Variants in MFSD1 observed in about 807,000 individuals in gnomAD.
MFSD1 encodes the protein lysosomal dipeptide transporter MFSD1.
Under a neutral mutation model 67.1 loss-of-function variants are expected in MFSD1, and 59 were observed. The ratio of observed to expected loss-of-function variants is 0.88; its 90% confidence interval spans 0.71 to 1.09. MFSD1 has a LOEUF of 1.09. Among genes scored for constraint, MFSD1 ranks in the 50% least tolerant of loss-of-function variants. The pLI is 0.00. For missense variants in MFSD1, 552 were observed against 566.1 expected (o/e 0.97, Z 0.25); for synonymous variants, 213 against 200.3 (o/e 1.06, Z -0.54).
intron 11 of MFSD1, 23 bp downstream of exon 11, chr3:158,822,163 G>T (rs757723341): frequency 1.3e-6 from 2 of 1,591,666 alleles, no homozygotes; most frequent in South Asian, 1.1e-5. Flanking sequence ...TTAGCCCATG[G>T]TGGGGTCAGG....
chr3:158,821,918 A>G, intron 10 of MFSD1, 66 bp from the exon 11 acceptor site: 4 of 1,522,376 alleles, frequency 2.6e-6, no homozygotes, highest in South Asian at 1.2e-5. Context: ...TATTTTCAAG[A>G]CTTTCTTGAA....
Position 158,827,154 on chromosome 3 carries a change from G to A in MFSD1, c.1337-126G>A, listed in dbSNP as rs570817534. The A allele has an allele frequency of 1.1e-5, 6 of 567,306 alleles. No homozygotes were observed. The Middle Eastern group carries it at 1.1e-3, about 108-fold the overall frequency. The allele number at this position is 567,306 out of a possible 1,614,324, so 35.1% of individuals were successfully genotyped here. A position where few individuals can be genotyped will look rare whatever the true frequency, so the allele number is the denominator to read the frequency against. The stretch of plus-strand genomic sequence containing the variant: ...GATAAACCATTACTTTTTCATCGTC[G>A]ATAGCTTTTTCTATTACTTAAAATA... On this transcript the variant is annotated intron_variant, in intron 14 of 15. Transcript: ENST00000415822.
intron 7 of MFSD1, among the ~76,000 whole-genome samples, chr3:158,814,811 G>A (rs1385625185): frequency 1.3e-5 from 2 of 152,090 alleles, no homozygotes; most frequent in Non-Finnish European, 2.9e-5. Context: ...AGCCGGGCAC[G>A]GTGGCTCACA....
intron 5 of MFSD1, among the ~76,000 whole-genome samples, chr3:158,808,405 T>A (rs769584580): frequency 7.2e-5 from 11 of 152,156 alleles, no homozygotes; most frequent in Non-Finnish European, 1.2e-4. Context: ...TGAAACTTAC[T>A]GAAGGAAAAT....
rs370765147 is a variant in MFSD1, at chr3:158,820,308, C to G, written c.845C>G (p.Pro282Arg). The G allele has an allele frequency of 6.2e-7, 1 of 1,608,052 alleles. No individual in the cohort carries two copies. ...GTCTGCTATTATGTTGCTGTGTTCC[C>G]TTTTATTGGACTTGGGAAGTGAGTA... is the stretch of plus-strand genomic sequence containing the variant. ...ICVCYYVAVF[P>R]FIGLGKVFFT... The change falls in exon 9 of 16, where the codon CCT becomes CGT. Residue 282 changes from proline (P) to arginine (R), a missense_variant. Transcript: ENST00000415822.
chr3:158,816,250 A>G (rs1358648410), intron 7 of MFSD1, among the ~76,000 whole-genome samples: 1 of 152,184 alleles, frequency 6.6e-6, no homozygotes, highest in Non-Finnish European at 1.5e-5. Flanking sequence ...CGATGGTTGA[A>G]CTAGTTTACA....
intron 2 of MFSD1, 128 bp downstream of exon 2, chr3:158,804,499 C>A: frequency 1.6e-6 from 1 of 620,972 alleles, no homozygotes; most frequent in Admixed American, 3.5e-5. Context: ...CTGTAGTCAC[C>A]AAATCCACAA....
At chr3:158,823,249 T>C in intron 11 of MFSD1, 179 bp from the exon 12 acceptor site, 1 of 584,118 alleles carries the variant, frequency 1.7e-6, no homozygotes, top group Admixed American at 2.9e-5. Flanking sequence ...GCTAAAAGGA[T>C]ACTCTTAGGG....
At chr3:158,825,362 G>A (rs1474093756) in intron 13 of MFSD1, 2 of 152,190 alleles carry the variant, frequency 1.3e-5, no homozygotes, top group African/African-American at 4.8e-5. Context: ...GTCTCACTGT[G>A]TTGCCCAGGC....
intron 7 of MFSD1, among the ~76,000 whole-genome samples, chr3:158,819,145 G>C (rs1467778149): frequency 6.6e-6 from 1 of 152,242 alleles, no homozygotes; most frequent in Non-Finnish European, 1.5e-5. Flanking sequence ...TCACAGGAAA[G>C]AGCTTGAGAG....
In MFSD1 at chr3:158,829,042, C is replaced by A; in HGVS notation, c.*60C>A. The A allele has an allele frequency of 3.3e-6, 5 of 1,518,564 alleles. No individual in the cohort carries two copies. Among genetic ancestry groups the A allele is most frequent in the Non-Finnish European group, 3.6e-6 (4 of 1,126,680 alleles). 94.1% of individuals were successfully genotyped at this position (1,518,564 alleles called of 1,614,324 possible). ...AACACATCGTTGGTTTGAAAACTTCCATTTTTAAAAATTTAGAGTTTAGTC... is the reference window on the plus strand; with the variant it reads ...AACACATCGTTGGTTTGAAAACTTCAATTTTTAAAAATTTAGAGTTTAGTC... On this transcript the variant is annotated 3_prime_UTR_variant, in exon 16 of 16. Coordinates refer to ENST00000415822, the MANE Select transcript of MFSD1 (RefSeq NM_022736.4).
At chr3:158,804,563 A>C (rs770300503) in intron 2 of MFSD1, among the ~76,000 whole-genome samples, 192 bp downstream of exon 2, 6 of 152,230 alleles carry the variant, frequency 3.9e-5, no homozygotes, top group Non-Finnish European at 7.3e-5. Flanking sequence ...ATTCATTTAT[A>C]GCACATATGT....
intron 11 of MFSD1, 181 bp downstream of exon 11, chr3:158,822,321 TA>T (rs1730724087): frequency 2.5e-6 from 1 of 401,920 alleles, no homozygotes; most frequent in African/African-American, 2.0e-5. Flanking sequence ...ATTATTAACA[TA>T]TAAGGTATCT....
At chr3:158,817,446 A>G (rs1250025249) in intron 7 of MFSD1, among the ~76,000 whole-genome samples, 1 of 152,244 alleles carries the variant, frequency 6.6e-6, no homozygotes, top group Non-Finnish European at 1.5e-5. Flanking sequence ...GCATTCTTAT[A>G]CACCAATAAC....
rs1207086015 is a variant in MFSD1, at chr3:158,807,464, G to T, written c.440+1G>T. 6.2e-7 allele frequency: 1 copy of T among 1,606,006 alleles called. No individual in the cohort carries two copies. Among genetic ancestry groups the T allele is most frequent in the Admixed American group, 1.7e-5 (1 of 59,982 alleles). ...TGGAATTTGGAAGATTTGTATTTGG[G>T]TAAGTTATGCATAATTTAATTTATC... is the stretch of plus-strand genomic sequence containing the variant. On this transcript the variant is annotated splice_donor_variant, in intron 5 of 15. Transcript: ENST00000415822. LOFTEE classifies it high-confidence loss of function.
chr3:158,803,358 C>T (rs1729556386), intron 1 of MFSD1, among the ~76,000 whole-genome samples: 1 of 151,870 alleles, frequency 6.6e-6, no homozygotes, highest in Non-Finnish European at 1.5e-5. Flanking sequence ...CTCCTTTTTC[C>T]CCCCTCCCCT....
rs1292271179 is a variant in MFSD1 at position 158,827,334 on chromosome 3, CTGAG to C, written c.1393_1394+2del. On this transcript the variant is annotated splice_donor_variant and coding_sequence_variant, in exon 15 of 16. Transcript: ENST00000415822. LOFTEE classifies it high-confidence loss of function. Reference sequence around the variant, plus strand: ...AGGGAAGAAATAAAATTTTCCCATACTGAGTAAGTATTAAAAGGGTAAAAAGTTG... The same window carrying C: ...AGGGAAGAAATAAAATTTTCCCATACTAAGTATTAAAAGGGTAAAAAGTTG... 1.3e-6 allele frequency: 2 copies of C among 1,527,268 alleles called. No homozygotes were observed. The highest frequency in any genetic ancestry group is 2.4e-5 in the East Asian group (1 of 42,250). The allele number at this position is 1,527,268 out of a possible 1,614,324, so 94.6% of individuals were successfully genotyped here. A position where few individuals can be genotyped will look rare whatever the true frequency, so the allele number is the denominator to read the frequency against.
rs150772811 is a variant in MFSD1 at position 158,823,447 on chromosome 3, A to G, written c.1097A>G (p.Tyr366Cys). The change falls in exon 12 of 16, where the codon TAC (tyrosine) becomes TGC (cysteine). Residue 366 changes from tyrosine (Y) to cysteine (C), a missense_variant. Coordinates refer to ENST00000415822, the MANE Select transcript of MFSD1 (RefSeq NM_022736.4). ...WIAMCLLGLS[Y>C]SLLACALWPM... is the part of the protein sequence containing the mutation. Reference sequence around the variant, plus strand: ...CTGTAGTGTCTTCTGGGACTCTCCTACTCATTGCTTGCCTGTGCATTGTGG... The same window carrying G: ...CTGTAGTGTCTTCTGGGACTCTCCTGCTCATTGCTTGCCTGTGCATTGTGG... 133 of 1,613,066 alleles carry G rather than the reference A, an allele frequency of 8.2e-5. No individual in the cohort carries two copies. Among genetic ancestry groups the G allele is most frequent in the Non-Finnish European group, 1.1e-4 (126 of 1,179,276 alleles).
At chr3:158,806,638 T>C (rs1729741079) in intron 3 of MFSD1, among the ~76,000 whole-genome samples, 1 of 152,230 alleles carries the variant, frequency 6.6e-6, no homozygotes, top group African/African-American at 2.4e-5. Flanking sequence ...AATTACTTAC[T>C]GTAAAATTCC....
Sources: allele counts gnomAD v4.1 joint callset (sites outside exome capture counted in the v4.1 genomes callset), GRCh38; gene constraint gnomAD v4.1.1; transcripts MANE v1.5; gene names NCBI Gene and HGNC (gene_info 2026-07-23, HGNC 2026-07-21).